The following OLFML2A variants were observed in gnomAD, a reference collection of about 807,000 sequenced individuals.
OLFML2A encodes olfactomedin-like protein 2A.
In OLFML2A, 47 loss-of-function variants were observed where a neutral mutation model predicts 60.9. The observed-to-expected ratio is 0.77, with a 90% confidence interval of 0.61 to 0.98. The LOEUF (loss-of-function observed/expected upper bound fraction) is 0.98. OLFML2A is among the 50% of genes least tolerant of loss of function. OLFML2A has a pLI of 0.00. For missense variants in OLFML2A, 922 were observed against 879.8 expected (o/e 1.05, Z -0.61); for synonymous variants, 372 against 375.0 (o/e 0.99, Z 0.09).
rs1410389461 is a variant in OLFML2A, at chr9:124,809,971, A to G, written c.1518A>G (p.Val506=). The change falls in exon 8 of 8, where the codon GTA becomes GTG. Residue 506 remains valine, a synonymous_variant. Coordinates refer to ENST00000373580, the MANE Select transcript of OLFML2A (RefSeq NM_182487.4). ...VASWALLPDV[V]YEDTTPWKWR... is the part of the protein sequence containing the mutation. ...CCTGGGCGCTGCTGCCCGACGTGGTATATGAGGACACCACACCTTGGAAGT... is the reference window on the plus strand; with the variant it reads ...CCTGGGCGCTGCTGCCCGACGTGGTGTATGAGGACACCACACCTTGGAAGT... 4 of 1,614,134 alleles carry G rather than the reference A, an allele frequency of 2.5e-6. No homozygotes were observed. The highest frequency in any genetic ancestry group is 2.2e-5 in the South Asian group (2 of 91,082).
intron 2 of OLFML2A, among the ~76,000 whole-genome samples, chr9:124,793,513 C>T (rs1841606444): frequency 6.6e-6 from 1 of 152,186 alleles, no homozygotes; most frequent in Non-Finnish European, 1.5e-5. Context: ...TGATATCTCC[C>T]CTGCCGAATG....
At chr9:124,799,241 G>A in intron 3 of OLFML2A, 44 bp from the exon 4 acceptor site, 2 of 1,396,628 alleles carry the variant, frequency 1.4e-6, no homozygotes, top group Non-Finnish European at 2.0e-6. Context: ...GGGGTTCAGA[G>A]GAAGCTGGCC....
At chr9:124,788,019 G>A (rs1259847245) in intron 2 of OLFML2A, among the ~76,000 whole-genome samples, 6 of 151,948 alleles carry the variant, frequency 3.9e-5, no homozygotes, top group African/African-American at 9.7e-5. Flanking sequence ...AGAAACCTTC[G>A]GCCGGGCATG....
In OLFML2A at chr9:124,814,354, G is replaced by A. The variant is rs1473145854; in HGVS notation, c.*3942G>A. ...CCACCTCTTTTATGCCACAGGTTTGGTCAAGTTCTCTCCCGCTCAGGGTAG... is the reference window on the plus strand; with the variant it reads ...CCACCTCTTTTATGCCACAGGTTTGATCAAGTTCTCTCCCGCTCAGGGTAG... On this transcript the variant is annotated 3_prime_UTR_variant, in exon 8 of 8. Transcript: ENST00000373580. 1 of 152,290 alleles carries A rather than the reference G, an allele frequency of 6.6e-6. No individual in the cohort carries two copies. Among genetic ancestry groups the A allele is most frequent in the Non-Finnish European group, 1.5e-5 (1 of 68,132 alleles). 9.4% of individuals were successfully genotyped at this position (152,290 alleles called of 1,614,324 possible).
chr9:124,805,233 G>T (rs765101648), intron 6 of OLFML2A, among the ~76,000 whole-genome samples: 17 of 152,098 alleles, frequency 1.1e-4, no homozygotes, highest in African/African-American at 4.1e-4. Flanking sequence ...TTCAAACCCT[G>T]TCCTGCTTTG....
At chr9:124,796,606 C>A (rs1841674936) in intron 3 of OLFML2A, among the ~76,000 whole-genome samples, 1 of 152,232 alleles carries the variant, frequency 6.6e-6, no homozygotes. Context: ...CTTTTGTTCA[C>A]CCTGGGAGGA....
rs1175739104 is a variant in OLFML2A at position 124,813,291 on chromosome 9, G to A, written c.*2879G>A. On this transcript the variant is annotated 3_prime_UTR_variant, in exon 8 of 8. Coordinates refer to ENST00000373580, the MANE Select transcript of OLFML2A (RefSeq NM_182487.4). ...TATGGTCACATTGGCGCCTAGAACA[G>A]TTAGGTCGCTCGTCACATAGGCAGT... 6.6e-6 allele frequency: 1 copy of A among 152,216 alleles called. No individual in the cohort carries two copies. The highest frequency in any genetic ancestry group is 2.4e-5 in the African/African-American group (1 of 41,454). 9.4% of individuals were successfully genotyped at this position (152,216 alleles called of 1,614,324 possible).
At chr9:124,785,590 C>T (rs868521768) in intron 1 of OLFML2A, among the ~76,000 whole-genome samples, 8 of 151,228 alleles carry the variant, frequency 5.3e-5, no homozygotes, top group African/African-American at 7.3e-5. Flanking sequence ...TTAGTAGAGA[C>T]GGGGTTTCAC....
chr9:124,790,452 G>A (rs1207157194), intron 2 of OLFML2A, among the ~76,000 whole-genome samples: 12 of 152,238 alleles, frequency 7.9e-5, no homozygotes, highest in Admixed American at 6.5e-4. Flanking sequence ...TGGGATTACA[G>A]GCATGAGCCA....
At chr9:124,793,286 A>G (rs1841602535) in intron 2 of OLFML2A, among the ~76,000 whole-genome samples, 1 of 152,188 alleles carries the variant, frequency 6.6e-6, no homozygotes, top group East Asian at 1.9e-4. Context: ...CATTTTGGCC[A>G]TCTGGAGGGA....
intron 1 of OLFML2A, among the ~76,000 whole-genome samples, chr9:124,785,894 A>G (rs1378758942): frequency 6.6e-6 from 1 of 152,132 alleles, no homozygotes; most frequent in Non-Finnish European, 1.5e-5. Context: ...CAGAAGGATC[A>G]CTTGTGGCCA....
At chr9:124,780,098 T>C (rs1010015699) in intron 1 of OLFML2A, among the ~76,000 whole-genome samples, 1 of 152,216 alleles carries the variant, frequency 6.6e-6, no homozygotes, top group African/African-American at 2.4e-5. Flanking sequence ...ATTTTGAGTT[T>C]CCATCTAAGG....
chr9:124,800,822 G>T, intron 4 of OLFML2A: 1 of 1,366,342 alleles, frequency 7.3e-7, no homozygotes, highest in Non-Finnish European at 9.5e-7. Flanking sequence ...GCCAGCATCG[G>T]AGGCATTTAA....
chr9:124,805,213 G>A (rs965922376), intron 6 of OLFML2A, among the ~76,000 whole-genome samples: 1 of 152,058 alleles, frequency 6.6e-6, no homozygotes, highest in Admixed American at 6.6e-5. Flanking sequence ...GCTCTCTGTG[G>A]TGAAAATCCT....
chr9:124,804,051 C>G (rs751820606), intron 5 of OLFML2A, 43 bp from the exon 6 acceptor site: 5 of 1,600,860 alleles, frequency 3.1e-6, no homozygotes, highest in Non-Finnish European at 4.3e-6. Flanking sequence ...CACACGGCAG[C>G]AGGTGGTGCT....
chr9:124,800,774 C>A, intron 4 of OLFML2A: 1 of 1,230,682 alleles, frequency 8.1e-7, no homozygotes, highest in Non-Finnish European at 1.0e-6. Context: ...TTCTGCCTAA[C>A]GATGAGTGAT....
intron 4 of OLFML2A, 66 bp downstream of exon 4, chr9:124,799,557 G>T: frequency 1.5e-6 from 2 of 1,345,726 alleles, no homozygotes; most frequent in Non-Finnish European, 2.1e-6. Flanking sequence ...GTGCCAGGAC[G>T]TTGGCCCTGT....
rs766359554 is a variant in OLFML2A at position 124,807,767 on chromosome 9, C to T, written c.1169-14C>T. On this transcript the variant is annotated splice_polypyrimidine_tract_variant and intron_variant, in intron 6 of 7. Coordinates refer to ENST00000373580, the MANE Select transcript of OLFML2A (RefSeq NM_182487.4). ...GGGTCTGTGTACCGATGCTGCCTGC[C>T]CTCCTCCCCACAGGCAGAGAGGCGA... is the stretch of plus-strand genomic sequence containing the variant. 3.7e-6 allele frequency: 6 copies of T among 1,603,256 alleles called. No individual in the cohort carries two copies. The highest frequency in any genetic ancestry group is 3.4e-5 in the Admixed American group (2 of 59,096).
rs79964222 is a variant in OLFML2A at position 124,810,078 on chromosome 9, A to C, written c.1625A>C (p.Glu542Ala). ...TACCCCGCCGTGGACGACCGCGATG[A>C]GGCCCAGCCCGAGGTGATCGTCCTG... ...VIYPAVDDRD[E>A]AQPEVIVLSR... Residue 542 changes from glutamate (E) to alanine (A), a missense_variant, in exon 8 of 8, where the codon GAG (glutamate) becomes GCG (alanine). Glu to Ala is a moderately radical substitution (Grantham distance 107). Coordinates refer to ENST00000373580, the MANE Select transcript of OLFML2A (RefSeq NM_182487.4). 5.6e-5 allele frequency: 90 copies of C among 1,613,870 alleles called. No homozygotes were observed. The East Asian group carries it at 2.0e-3, about 36-fold the overall frequency.
Sources: allele counts gnomAD v4.1 joint callset (sites outside exome capture counted in the v4.1 genomes callset), GRCh38; gene constraint gnomAD v4.1.1; transcripts MANE v1.5; gene names NCBI Gene and HGNC (gene_info 2026-07-23, HGNC 2026-07-21).